LYRM4: variants seen among roughly 807,000 people sequenced by gnomAD.
The protein encoded by LYRM4 is LYR motif-containing protein 4.
In LYRM4, 9 loss-of-function variants were observed where a neutral mutation model predicts 11.7. That is an observed-to-expected ratio of 0.77 (90% CI 0.46 to 1.34). The LOEUF is 1.34. LYRM4 is among the 40% of genes most tolerant of loss of function. LYRM4 has a pLI of 0.00. For missense variants in LYRM4, 133 were observed against 112.5 expected (o/e 1.18, Z -0.82); for synonymous variants, 42 against 40.4 (o/e 1.04, Z -0.15).
chr6:5,117,801 G>A (rs187207113), intron 2 of LYRM4, among the ~76,000 whole-genome samples: 3 of 152,126 alleles, frequency 2.0e-5, no homozygotes, highest in African/African-American at 7.2e-5. Flanking sequence ...CCAGGAGTTC[G>A]AGGCTGTAGT....
At chr6:5,148,516 T>TGAGG (rs1554131016) in intron 2 of LYRM4, among the ~76,000 whole-genome samples, 2 of 152,206 alleles carry the variant, frequency 1.3e-5, no homozygotes, top group South Asian at 2.1e-4. Flanking sequence ...TGAGCTGGGC[T>TGAGG]GGGTATACGC....
At chr6:5,195,975 A>G (rs1761029979) in intron 2 of LYRM4, among the ~76,000 whole-genome samples, 1 of 152,202 alleles carries the variant, frequency 6.6e-6, no homozygotes. Flanking sequence ...AAACCCTTAT[A>G]TTGCACTTAG....
intron 1 of LYRM4, among the ~76,000 whole-genome samples, chr6:5,257,804 A>G (rs944117495): frequency 6.6e-6 from 1 of 152,188 alleles, no homozygotes; most frequent in Non-Finnish European, 1.5e-5. Flanking sequence ...ACTGTCTTCC[A>G]TGAAATTGGT....
At chr6:5,111,828 C>A (rs1483478066) in intron 2 of LYRM4, among the ~76,000 whole-genome samples, 1 of 152,228 alleles carries the variant, frequency 6.6e-6, no homozygotes, top group Non-Finnish European at 1.5e-5. Context: ...CTCTTCACTT[C>A]CTCTCGTCTC....
At chr6:5,040,107 A>G in the LYRM4 span, among the ~76,000 whole-genome samples, 1 of 152,220 alleles carries the variant, frequency 6.6e-6, no homozygotes, top group East Asian at 1.9e-4. Context: ...TTCAGAAGGA[A>G]TGTAGCTTTA....
chr6:5,141,023 A>T (rs183233124), intron 2 of LYRM4, among the ~76,000 whole-genome samples: 2 of 152,150 alleles, frequency 1.3e-5, no homozygotes, highest in Admixed American at 6.5e-5. Flanking sequence ...GACTACCACT[A>T]CCTTATGGTT....
intron 1 of LYRM4, among the ~76,000 whole-genome samples, chr6:5,234,638 T>G (rs1264759627): frequency 6.6e-6 from 1 of 151,732 alleles, no homozygotes; most frequent in African/African-American, 2.4e-5. Context: ...AATATAGAAT[T>G]CAAAACCCAA....
chr6:5,066,571 T>C, the LYRM4 span: 2 of 962,274 alleles, frequency 2.1e-6, no homozygotes, highest in Non-Finnish European at 3.4e-6. Flanking sequence ...TCCAGATTTT[T>C]TCCTAAGGAC....
Position 5,109,157 on chromosome 6 carries a change from G to C in LYRM4, c.*266C>G. 7.6e-7 allele frequency: 1 copy of C among 1,308,292 alleles called. No homozygotes were observed. The highest frequency in any genetic ancestry group is 9.8e-7 in the Non-Finnish European group (1 of 1,022,702). 81.0% of individuals were successfully genotyped at this position (1,308,292 alleles called of 1,614,324 possible). On this transcript the variant is annotated 3_prime_UTR_variant, in exon 3 of 3. Transcript: ENST00000330636. ...ACAATGGTCATGAGCTACAAGGTAG[G>C]AATGGGGTGCAGGGGAGACGTGGTA...
In LYRM4 at chr6:5,210,125, G is replaced by A. The variant is rs571707948; in HGVS notation, c.207+6493C>T. ...TCTATAATGATATAAATATATAGCT[G>A]GCATATAACTTTGTTCATCTGCAGC... On this transcript the variant is annotated intron_variant, in intron 2 of 2. Coordinates refer to ENST00000330636, the MANE Select transcript of LYRM4 (RefSeq NM_020408.6). 2.0e-5 allele frequency among the ~76,000 whole-genome samples: 3 copies of A among 152,166 alleles called. No individual in the cohort carries two copies. The East Asian group carries it at 5.8e-4, about 29-fold the overall frequency.
chr6:5,159,688 C>G (rs1165980708), intron 2 of LYRM4, among the ~76,000 whole-genome samples: 1 of 152,158 alleles, frequency 6.6e-6, no homozygotes, highest in Admixed American at 6.5e-5. Context: ...TGTTCAAGAC[C>G]TTTCCTTACA....
intron 1 of LYRM4, among the ~76,000 whole-genome samples, chr6:5,226,529 C>T (rs143526521): frequency 0.019 from 2,874 of 152,240 alleles, 37 homozygotes; most frequent in Middle Eastern, 0.034. Flanking sequence ...GGATTACAGG[C>T]ATGTGCCACC....
chr6:5,254,644 C>T (rs943608189), intron 1 of LYRM4, among the ~76,000 whole-genome samples: 1 of 152,196 alleles, frequency 6.6e-6, no homozygotes. Context: ...GCTTCCTCAA[C>T]ATCTGCTTAT....
chr6:5,053,639 AAAAGAAAGAAAG>A, the LYRM4 span, among the ~76,000 whole-genome samples: 3 of 151,872 alleles, frequency 2.0e-5, no homozygotes, highest in African/African-American at 7.3e-5. Flanking sequence ...TGCAAAAAAA[AAAAGAAAGAAAG>A]AAAGAAAGAA....
At chr6:5,048,677 G>T in the LYRM4 span, among the ~76,000 whole-genome samples, 5,682 of 152,218 alleles carry the variant, frequency 0.037, 354 homozygotes, top group African/African-American at 0.13. Context: ...GTCCATCACA[G>T]ATCCCTACTT....
chr6:5,049,823 C>T, the LYRM4 span, among the ~76,000 whole-genome samples: 1 of 152,196 alleles, frequency 6.6e-6, no homozygotes, highest in Non-Finnish European at 1.5e-5. Flanking sequence ...GCGTGCACCA[C>T]CATCCCTGGC....
chr6:5,148,021 C>T (rs1302746790), intron 2 of LYRM4, among the ~76,000 whole-genome samples: 1 of 152,154 alleles, frequency 6.6e-6, no homozygotes, highest in African/African-American at 2.4e-5. Flanking sequence ...AGCTCGTTAG[C>T]ACTCCCCAGG....
At chr6:5,116,609 C>G (rs986683737) in intron 2 of LYRM4, among the ~76,000 whole-genome samples, 28 of 152,220 alleles carry the variant, frequency 1.8e-4, no homozygotes, top group African/African-American at 6.0e-4. Context: ...CTTCAAGTTA[C>G]AGTCCCTCCA....
intron 1 of LYRM4, among the ~76,000 whole-genome samples, chr6:5,229,895 G>A (rs1020834916): frequency 2.0e-5 from 3 of 152,108 alleles, no homozygotes; most frequent in Non-Finnish European, 2.9e-5. Context: ...CTGCCCAGGC[G>A]TCCTTTCTGG....
Sources: allele counts gnomAD v4.1 joint callset (sites outside exome capture counted in the v4.1 genomes callset), GRCh38; gene constraint gnomAD v4.1.1; transcripts MANE v1.5; gene names NCBI Gene and HGNC (gene_info 2026-07-23, HGNC 2026-07-21).